RAI1: variants seen among roughly 807,000 people sequenced by gnomAD.
RAI1 encodes the protein retinoic acid-induced protein 1.
In RAI1, 9 loss-of-function variants were observed where a neutral mutation model predicts 123.8. That is an observed-to-expected ratio of 0.07 (90% CI 0.04 to 0.13). The LOEUF is 0.13. Among genes scored for constraint, RAI1 ranks in the 10% least tolerant of loss-of-function variants. The pLI is 1.00. For synonymous variants in RAI1, 1,231 were observed against 1,127.3 expected, an observed-to-expected ratio of 1.09 and a Z score of -1.84; for missense variants, 2,256 against 2,545.8, an observed-to-expected ratio of 0.89 and a Z score of 2.45.
intron 1 of RAI1, among the ~76,000 whole-genome samples, chr17:17,687,885 C>G (rs904832392): frequency 3.3e-5 from 5 of 151,760 alleles, no homozygotes; most frequent in Non-Finnish European, 7.4e-5. Context: ...CAAAAATTAG[C>G]CAGGTGTGGT....
In RAI1 at chr17:17,794,885, A is replaced by C. The variant is rs757197196; in HGVS notation, c.1937A>C (p.His646Pro). The C allele has an allele frequency of 4.3e-6, 7 of 1,613,296 alleles. No individual in the cohort carries two copies. Among genetic ancestry groups the C allele is most frequent in the Admixed American group, 3.3e-5 (2 of 60,008 alleles). Reference sequence around the variant, plus strand: ...AAGCCACCCTTCTCGCTGGAGAACCACAGCGCCTGCCTGGACTCTGTGGCC... The same window carrying C: ...AAGCCACCCTTCTCGCTGGAGAACCCCAGCGCCTGCCTGGACTCTGTGGCC... ...SSKPPFSLEN[H>P]SACLDSVAKS... The change falls in exon 3 of 6, where the codon CAC becomes CCC. Residue 646 changes from histidine to proline, a missense_variant. His to Pro is a moderately conservative substitution (Grantham distance 77). This residue lies in a region of RAI1 where 566 missense variants were observed against 616.0 expected (regional missense o/e 0.92). Coordinates refer to ENST00000353383, the MANE Select transcript of RAI1 (RefSeq NM_030665.4).
At chr17:17,735,813 A>G (rs187829978) in intron 2 of RAI1, among the ~76,000 whole-genome samples, 50 of 152,320 alleles carry the variant, frequency 3.3e-4, no homozygotes, top group Admixed American at 2.7e-3. Flanking sequence ...CAAAGTGCCT[A>G]GGGCTGTGTA....
intron 3 of RAI1, chr17:17,802,164 G>A (rs1598097701): frequency 2.1e-6 from 1 of 470,928 alleles, no homozygotes; most frequent in East Asian, 6.9e-5. Context: ...CCAAGCAGCT[G>A]GTCCAGGTGT....
At chr17:17,782,917 C>T (rs1214919147) in intron 2 of RAI1, among the ~76,000 whole-genome samples, 4 of 151,948 alleles carry the variant, frequency 2.6e-5, no homozygotes, top group African/African-American at 7.2e-5. Context: ...GTACGCCCCG[C>T]CCTGCGCGCC....
intron 1 of RAI1, among the ~76,000 whole-genome samples, chr17:17,707,662 A>T (rs1915434931): frequency 6.6e-6 from 1 of 152,108 alleles, no homozygotes; most frequent in Non-Finnish European, 1.5e-5. Context: ...GCATGATCTC[A>T]GCTCACTGCA....
rs1916327164 is a variant in RAI1 at position 17,733,310 on chromosome 17, G to GAA, written c.-17+9153_-17+9154dup. Among the ~76,000 whole-genome samples, 9 of 152,248 alleles carry GAA rather than the reference G, an allele frequency of 5.9e-5. No individual in the cohort carries two copies. In the South Asian group the frequency reaches 1.9e-3, roughly 32 times the overall value. On this transcript the variant is annotated intron_variant, in intron 2 of 5. Coordinates refer to ENST00000353383, the MANE Select transcript of RAI1 (RefSeq NM_030665.4). The stretch of plus-strand genomic sequence containing the variant: ...GAATTCTCCAGGCCAGAAAGAAAAA[G>GAA]AAAGGGTGCACCAGATGCGGGGCAC...
chr17:17,809,293 C>A lies in RAI1; in HGVS notation c.5660-97C>A, dbSNP rs1009205397. 3.8e-6 allele frequency: 4 copies of A among 1,047,456 alleles called. No individual in the cohort carries two copies. The highest frequency in any genetic ancestry group is 1.7e-5 in the Admixed American group (1 of 59,116). 64.9% of individuals were successfully genotyped at this position (1,047,456 alleles called of 1,614,324 possible). ...AAAGAGCCCCTGCAGTCTGGAGCCTCGCGGGCAGTGCGGCTCCCCTCCTGG... is the reference window on the plus strand; with the variant it reads ...AAAGAGCCCCTGCAGTCTGGAGCCTAGCGGGCAGTGCGGCTCCCCTCCTGG... On this transcript the variant is annotated intron_variant, in intron 4 of 5. Transcript: ENST00000353383. The surrounding 1 kb of genome is among the most constrained non-coding windows in gnomAD (Gnocchi z 4.9).
chr17:17,804,059 T>C, intron 4 of RAI1: 1 of 675,306 alleles, frequency 1.5e-6, no homozygotes, highest in Non-Finnish European at 2.8e-6. Context: ...CCCAGGCACC[T>C]GCTTGAGGAG....
At position 17,799,236 on chromosome 17, in the gene RAI1, C is replaced by T. The variant is rs771279490; in HGVS notation, c.5565+723C>T. On this transcript the variant is annotated intron_variant, in intron 3 of 5. Transcript: ENST00000353383. The surrounding 1 kb of genome is among the most constrained non-coding windows in gnomAD (Gnocchi z 4.5). Reference sequence around the variant, plus strand: ...TGTGCCTCCGTCCCCTCGCCCCTAACGTGGGTATGAGGGTGCCCATGGAGG... The same window carrying T: ...TGTGCCTCCGTCCCCTCGCCCCTAATGTGGGTATGAGGGTGCCCATGGAGG... Among the ~76,000 whole-genome samples the T allele has an allele frequency of 4.5e-4, 68 of 152,182 alleles. No homozygotes were observed. The highest frequency in any genetic ancestry group is 6.6e-4 in the Non-Finnish European group (45 of 68,022).
At chr17:17,787,061 C>A (rs577273817) in intron 2 of RAI1, among the ~76,000 whole-genome samples, 10 of 152,272 alleles carry the variant, frequency 6.6e-5, no homozygotes, top group Admixed American at 2.0e-4. Flanking sequence ...AACAAACAAA[C>A]AAAAAAACTA....
intron 2 of RAI1, among the ~76,000 whole-genome samples, chr17:17,761,996 G>A (rs938875761): frequency 3.3e-5 from 5 of 152,110 alleles, no homozygotes; most frequent in Admixed American, 2.6e-4. Context: ...GAGTGTGAGC[G>A]CGGCCCAGAA....
intron 1 of RAI1, among the ~76,000 whole-genome samples, chr17:17,704,671 G>A (rs962691454): frequency 8.5e-5 from 13 of 152,142 alleles, no homozygotes; most frequent in Non-Finnish European, 1.8e-4. Context: ...GTTACCATGA[G>A]TAGTAAGTGA....
chr17:17,781,406 C>G (rs576676238), intron 2 of RAI1, among the ~76,000 whole-genome samples: 23 of 152,366 alleles, frequency 1.5e-4, no homozygotes, highest in Middle Eastern at 3.4e-3. Flanking sequence ...TGAGCTCAGT[C>G]AGCTCCTCTG....
intron 2 of RAI1, among the ~76,000 whole-genome samples, chr17:17,783,069 G>C (rs1247617223): frequency 0.12 from 10 of 86 alleles, no homozygotes; most frequent in Non-Finnish European, 0.16. Context: ...AATGATGGGG[G>C]CTGGTGGCAG....
In RAI1 at chr17:17,801,996, G is replaced by A. The variant is rs747968359; in HGVS notation, c.5566-1760G>A. 18 of 461,766 alleles carry A rather than the reference G, an allele frequency of 3.9e-5. No homozygotes were observed. Among genetic ancestry groups the A allele is most frequent in the South Asian group, 1.1e-4 (7 of 63,882 alleles). 28.6% of individuals were successfully genotyped at this position (461,766 alleles called of 1,614,324 possible). A position where few individuals can be genotyped will look rare whatever the true frequency, so the allele number is the denominator to read the frequency against. On this transcript the variant is annotated intron_variant, in intron 3 of 5. Coordinates refer to ENST00000353383, the MANE Select transcript of RAI1 (RefSeq NM_030665.4). This position sits in a 1 kb window ranked among gnomAD's most constrained non-coding sequence, Gnocchi z 4.1. ...CTGGCTTCGCACTTGGGCAGAGGCC[G>A]CCGCCCTCTCTGCTGCCTTCTCTAC...
At chr17:17,807,021 CG>C in intron 4 of RAI1, among the ~76,000 whole-genome samples, 1 of 151,596 alleles carries the variant, frequency 6.6e-6, no homozygotes, top group Non-Finnish European at 1.5e-5. Context: ...GATCGAGTCT[CG>C]CCCACCATCA....
intron 1 of RAI1, among the ~76,000 whole-genome samples, chr17:17,693,188 G>C (rs536832036): frequency 4.6e-4 from 70 of 152,354 alleles, no homozygotes; most frequent in African/African-American, 1.6e-3. Context: ...CAGCCTGTAA[G>C]CTCTCATCAC....
intron 1 of RAI1, among the ~76,000 whole-genome samples, chr17:17,717,503 T>C (rs1163514059): frequency 6.6e-6 from 1 of 152,070 alleles, no homozygotes; most frequent in Admixed American, 6.5e-5. Flanking sequence ...TCTCAGTGCA[T>C]TTCCTCAGGC....
At chr17:17,731,290 C>T (rs1403527747) in intron 2 of RAI1, among the ~76,000 whole-genome samples, 1 of 152,226 alleles carries the variant, frequency 6.6e-6, no homozygotes, top group Non-Finnish European at 1.5e-5. Context: ...CTGCTGATGG[C>T]GCCAAGGTTC....
Sources: gnomAD v4.1 joint callset for allele counts (sites outside exome capture counted in the v4.1 genomes callset) on GRCh38, gnomAD v4.1.1 for gene constraint, gnomAD v4.1.1 regional missense constraint, Gnocchi (gnomAD v3.1) non-coding constraint, MANE v1.5 for transcripts, NCBI Gene and HGNC (gene_info 2026-07-23, HGNC 2026-07-21) for gene names.